The following ABCB8 variants were observed in gnomAD, a reference collection of about 807,000 sequenced individuals.
The protein encoded by ABCB8 is mitochondrial potassium channel ATP-binding subunit.
Under a neutral mutation model 73.0 loss-of-function variants are expected in ABCB8, and 52 were observed. The ratio of observed to expected loss-of-function variants is 0.71; its 90% CI spans 0.57 to 0.90. The LOEUF is 0.90. ABCB8 is among the 40% of genes least tolerant of loss of function. ABCB8 has a pLI of 0.00. For missense variants in ABCB8, 909 were observed against 974.6 expected, an observed-to-expected ratio of 0.93 and a Z score of 0.90; for synonymous variants, 428 against 423.5, an observed-to-expected ratio of 1.01 and a Z score of -0.13.
At position 151,045,024 on chromosome 7, in the gene ABCB8, G is replaced by A. The variant is rs1796577884; in HGVS notation, c.2017-185G>A. Among the ~76,000 whole-genome samples the A allele has an allele frequency of 2.0e-5, 3 of 152,252 alleles. No individual in the cohort carries two copies. In the South Asian group the frequency reaches 6.2e-4, roughly 31 times the overall value. Reference sequence around the variant, plus strand: ...AATTCAGCTAAGTAAGGAAGTGGCAGTAACTAATGCAGCATGCCAGTGGCG... The same window carrying A: ...AATTCAGCTAAGTAAGGAAGTGGCAATAACTAATGCAGCATGCCAGTGGCG... On this transcript the variant is annotated intron_variant, in intron 15 of 15. Transcript: ENST00000358849.
chr7:151,034,329 G>A lies in ABCB8; in HGVS notation c.465G>A (p.Leu155=). 6.2e-7 allele frequency: 1 copy of A among 1,613,828 alleles called. No homozygotes were observed. Among genetic ancestry groups the A allele is most frequent in the East Asian group, 2.2e-5 (1 of 44,882 alleles). ...AGATCCCCCTGCTCCTGGGCCAGCT[G>A]GTAGAGGTCGTGGCCAAGTACACAA... ...NVQIPLLLGQ[L]VEVVAKYTRD... is the part of the protein sequence containing the mutation. Residue 155 remains leucine, a synonymous_variant, in exon 3 of 16, where the codon CTG becomes CTA. Transcript: ENST00000358849.
chr7:151,028,970 G>C (rs1796060749), intron 1 of ABCB8: 47 of 1,250,592 alleles, frequency 3.8e-5, no homozygotes, highest in Non-Finnish European at 4.5e-5. Context: ...TAATGTAGTG[G>C]TGCTTCCAGG....
At chr7:151,044,499 C>G (rs952189425) in intron 15 of ABCB8, among the ~76,000 whole-genome samples, 1 of 152,160 alleles carries the variant, frequency 6.6e-6, no homozygotes, top group African/African-American at 2.4e-5. Flanking sequence ...TGCCTGTAAT[C>G]CCAGCACTTT....
rs1252808118 is a variant in ABCB8 at position 151,034,550 on chromosome 7, G to A, written c.610G>A (p.Glu204Lys). 4.3e-6 allele frequency: 7 copies of A among 1,613,460 alleles called. No homozygotes were observed. The highest frequency in any genetic ancestry group is 4.5e-5 in the East Asian group (2 of 44,890). Residue 204 changes from glutamate to lysine, a missense_variant, in exon 4 of 16, where the codon GAG (glutamate) becomes AAG (lysine). Coordinates refer to ENST00000358849, the MANE Select transcript of ABCB8 (RefSeq NM_007188.5). ...GYLVLLSHVG[E>K]RMAVDMRRAL... ...CCTGGTGCTGCTGTCCCACGTTGGCGAGCGCATGGCTGTGGACATGCGGAG... is the reference window on the plus strand; with the variant it reads ...CCTGGTGCTGCTGTCCCACGTTGGCAAGCGCATGGCTGTGGACATGCGGAG...
chr7:151,040,401 C>G, intron 10 of ABCB8, 97 bp from the exon 11 acceptor site: 1 of 1,583,038 alleles, frequency 6.3e-7, no homozygotes, highest in Non-Finnish European at 8.6e-7. Context: ...GGCAGAGGAG[C>G]TGGGGAGACC....
At chr7:151,042,545 C>T (rs1442293747) in intron 14 of ABCB8, among the ~76,000 whole-genome samples, 3 of 152,232 alleles carry the variant, frequency 2.0e-5, no homozygotes, top group Non-Finnish European at 4.4e-5. Flanking sequence ...TGCTTTTCAT[C>T]TCTAAAGTCG....
chr7:151,043,982 A>C lies in ABCB8; in HGVS notation c.1777A>C (p.Thr593Pro). 6.2e-7 allele frequency: 1 copy of C among 1,612,214 alleles called. No individual in the cohort carries two copies. Among genetic ancestry groups the C allele is most frequent in the South Asian group, 1.1e-5 (1 of 91,026 alleles). Residue 593 changes from threonine (T) to proline (P), a missense_variant, in exon 15 of 16, where the codon ACT becomes CCT. Transcript: ENST00000358849. ...CCCTCCCTTCCCAGGTGAACGGGGC[A>C]CTACCCTGTCTGGGGGCCAGAAGCA... is the stretch of plus-strand genomic sequence containing the variant. ...GYNTVVGERG[T>P]TLSGGQKQRL...
In ABCB8 at chr7:151,034,519, C is replaced by T. The variant is rs772434748; in HGVS notation, c.579C>T (p.Phe193=). 14 of 1,613,316 alleles carry T rather than the reference C, an allele frequency of 8.7e-6. No homozygotes were observed. The highest frequency in any genetic ancestry group is 5.0e-5 in the Admixed American group (3 of 60,008). ...ILYGVQGLLT[F]GYLVLLSHVG... is the part of the protein sequence containing the mutation. ...CTCTTTCGCAGGGACTGCTGACCTT[C>T]GGGTACCTGGTGCTGCTGTCCCACG... Residue 193 remains phenylalanine (F), a synonymous_variant, in exon 4 of 16, where the codon TTC becomes TTT. Transcript: ENST00000358849.
At chr7:151,036,932 T>G (rs1471716265) in intron 9 of ABCB8, 2 of 717,880 alleles carry the variant, frequency 2.8e-6, no homozygotes, top group Admixed American at 1.9e-5. Context: ...AAAATTTGTT[T>G]CAACTGTGGT....
At chr7:151,042,135 A>T in intron 14 of ABCB8, 27 bp downstream of exon 14, 1 of 1,608,954 alleles carries the variant, frequency 6.2e-7, no homozygotes, top group Non-Finnish European at 8.5e-7. Flanking sequence ...GCCGGGAACC[A>T]GGTGGTGAGG....
chr7:151,033,544 G>T (rs971074316), intron 1 of ABCB8, 61 bp from the exon 2 acceptor site: 2 of 1,513,762 alleles, frequency 1.3e-6, no homozygotes, highest in Admixed American at 4.4e-5. Context: ...CCCCATGGGT[G>T]TGCTGGTCAG....
At position 151,045,494 on chromosome 7, in the gene ABCB8, G is replaced by T; in HGVS notation, c.*145G>T. The T allele has an allele frequency of 1.8e-6, 2 of 1,104,310 alleles. No homozygotes were observed. The highest frequency in any genetic ancestry group is 5.3e-5 in the South Asian group (2 of 37,430). The allele number at this position is 1,104,310 out of a possible 1,614,324, so 68.4% of individuals were successfully genotyped here. A position where few individuals can be genotyped will look rare whatever the true frequency, so the allele number is the denominator to read the frequency against. ...CTGCTCCTGCTCACAATAAAGCCGGGGCCGAGCAGCTGGCAGGGGAGGCCA... is the reference window on the plus strand; with the variant it reads ...CTGCTCCTGCTCACAATAAAGCCGGTGCCGAGCAGCTGGCAGGGGAGGCCA... On this transcript the variant is annotated 3_prime_UTR_variant, in exon 16 of 16. Transcript: ENST00000358849.
At chr7:151,037,692 T>G in intron 9 of ABCB8, 2 of 324,330 alleles carry the variant, frequency 6.2e-6, no homozygotes, top group African/African-American at 2.3e-5. Flanking sequence ...CACCCCATTC[T>G]ACTGAGGCAT....
rs1796449627 is a variant in ABCB8 at position 151,041,102 on chromosome 7, A to G, written c.1487A>G (p.Lys496Arg). The G allele has an allele frequency of 5.6e-6, 9 of 1,613,572 alleles. No homozygotes were observed. The East Asian group carries it at 1.8e-4, about 32-fold the overall frequency. Residue 496 changes from lysine (K) to arginine (R), a missense_variant, in exon 13 of 16, where the codon AAG (lysine) becomes AGG (arginine). Coordinates refer to ENST00000358849, the MANE Select transcript of ABCB8 (RefSeq NM_007188.5). ...CCCTCTCAACCCAATTCCCCAGGAA[A>G]GACCACCGTGGCTTCCCTGCTGGAG... ...VALVGQSGGG[K>R]TTVASLLERF...
chr7:151,045,321 G>A lies in ABCB8; in HGVS notation c.2129G>A (p.Gly710Asp), dbSNP rs59397762. The change falls in exon 16 of 16, where the codon GGC becomes GAC. Residue 710 changes from glycine to aspartate, a missense_variant. Physicochemically the swap from Gly to Asp is moderately conservative, Grantham distance 94 (BLOSUM62 -1). Transcript: ENST00000358849. ...TAAPPPKKPE[G>D]PRSHQHKS ...GCCCCACCGCCCAAAAAGCCAGAAG[G>A]CCCCAGGAGCCACCAGCACAAGTCC... The A allele has an allele frequency of 3.1e-6, 5 of 1,590,296 alleles. No homozygotes were observed. In the East Asian group the frequency reaches 7.0e-5, roughly 22 times the overall value.
Position 151,042,055 on chromosome 7 carries a change from C to T in ABCB8, c.1712C>T (p.Ala571Val), listed in dbSNP as rs780004246. 28 of 1,613,018 alleles carry T rather than the reference C, an allele frequency of 1.7e-5. No homozygotes were observed. Among genetic ancestry groups the T allele is most frequent in the Admixed American group, 1.2e-4 (7 of 60,002 alleles). The change falls in exon 14 of 16, where the codon GCG becomes GTG. Residue 571 changes from alanine (A) to valine (V), a missense_variant. By Grantham distance (64) the Ala-to-Val change is moderately conservative. Transcript: ENST00000358849. ...DEEVYTAARE[A>V]NAHEFITSFP... is the part of the protein sequence containing the mutation. ...GAGGTGTACACAGCCGCCCGGGAAGCGAATGCTCACGAGTTCATCACCAGC... is the reference window on the plus strand; with the variant it reads ...GAGGTGTACACAGCCGCCCGGGAAGTGAATGCTCACGAGTTCATCACCAGC...
Position 151,028,726 on chromosome 7 carries a change from A to C in ABCB8, c.95+116A>C, listed in dbSNP as rs1164690616. On this transcript the variant is annotated intron_variant, in intron 1 of 15. Transcript: ENST00000358849. ...CGAGGCTTGCTGGGAGCTGTAGGCCAGGCCTACCGGGGTGGAATGTCACTC... is the reference window on the plus strand; with the variant it reads ...CGAGGCTTGCTGGGAGCTGTAGGCCCGGCCTACCGGGGTGGAATGTCACTC... The C allele has an allele frequency of 1.9e-6, 3 of 1,542,360 alleles. No homozygotes were observed. In the South Asian group the frequency reaches 3.5e-5, roughly 18 times the overall value.
rs538077830 is a variant in ABCB8, at chr7:151,044,024, C to G, written c.1819C>G (p.Arg607Gly). The change falls in exon 15 of 16, where the codon CGA (arginine) becomes GGA (glycine). Residue 607 changes from arginine (R) to glycine (G), a missense_variant. Coordinates refer to ENST00000358849, the MANE Select transcript of ABCB8 (RefSeq NM_007188.5). Reference sequence around the variant, plus strand: ...CCAGAAGCAGCGCCTGGCCATCGCCCGAGCCCTTATCAAGCAGCCCACGGT... The same window carrying G: ...CCAGAAGCAGCGCCTGGCCATCGCCGGAGCCCTTATCAAGCAGCCCACGGT... ...GGQKQRLAIA[R>G]ALIKQPTVLI... is the part of the protein sequence containing the mutation. 6.2e-7 allele frequency: 1 copy of G among 1,612,990 alleles called. No individual in the cohort carries two copies. Among genetic ancestry groups the G allele is most frequent in the Non-Finnish European group, 8.5e-7 (1 of 1,179,910 alleles).
chr7:151,034,664 C>G, intron 4 of ABCB8, 60 bp from the exon 5 acceptor site: 3 of 1,610,530 alleles, frequency 1.9e-6, no homozygotes, highest in Non-Finnish European at 2.5e-6. Context: ...GGGGTAGGAC[C>G]TTATCCTGAA....
Sources: gnomAD v4.1 joint callset for allele counts (sites outside exome capture counted in the v4.1 genomes callset) on GRCh38, gnomAD v4.1.1 for gene constraint, MANE v1.5 for transcripts, NCBI Gene and HGNC (gene_info 2026-07-23, HGNC 2026-07-21) for gene names.